The following DLL4 variants were observed in gnomAD, a reference collection of about 807,000 sequenced individuals.
The protein encoded by DLL4 is delta like canonical Notch ligand 4.
In DLL4, 7 loss-of-function variants were observed where a neutral mutation model predicts 73.6. The ratio of observed to expected loss-of-function variants is 0.10; its 90% CI spans 0.05 to 0.18. DLL4 has a LOEUF of 0.18. DLL4 is among the 10% of genes least tolerant of loss of function. The pLI is 1.00. For synonymous variants in DLL4, 345 were observed against 374.3 expected (o/e 0.92, Z 0.90); for missense variants, 614 against 929.9 (o/e 0.66, Z 4.42).
Position 40,936,279 on chromosome 15 carries a change from G to T in DLL4, c.1292G>T (p.Gly431Val). 6.2e-7 allele frequency: 1 copy of T among 1,609,390 alleles called. No individual in the cohort carries two copies. Among genetic ancestry groups the T allele is most frequent in the South Asian group, 1.1e-5 (1 of 90,420 alleles). The change falls in exon 9 of 11, where the codon GGA becomes GTA. Residue 431 changes from glycine (G) to valine (V), a missense_variant. Around this residue, in one of 3 missense-constraint regions of DLL4, gnomAD observed 386 missense variants for 541.3 expected, o/e 0.71. Transcript: ENST00000249749. The stretch of plus-strand genomic sequence containing the variant: ...AGCCGCATGTGCCGCTGCCGTCCTG[G>T]ATTCACGGGCACCTACTGTGAACTC... ...GPSRMCRCRP[G>V]FTGTYCELHV...
chr15:40,933,655 C>G (rs1452119398), intron 6 of DLL4, among the ~76,000 whole-genome samples: 1 of 152,094 alleles, frequency 6.6e-6, no homozygotes. Context: ...TTTCTGACTT[C>G]CTCCCCGACA....
chr15:40,932,048 T>C, intron 4 of DLL4, 123 bp from the exon 5 acceptor site: 1 of 1,184,474 alleles, frequency 8.4e-7, no homozygotes. Context: ...GGGGCTCCTC[T>C]GGGAGGCCAG....
Position 40,930,898 on chromosome 15 carries a change from C to T in DLL4, c.394+216C>T, listed in dbSNP as rs748169245. 1.7e-6 allele frequency: 1 copy of T among 599,350 alleles called. No homozygotes were observed. The highest frequency in any genetic ancestry group is 1.9e-5 in the African/African-American group (1 of 53,796). 37.1% of individuals were successfully genotyped at this position (599,350 alleles called of 1,614,324 possible). On this transcript the variant is annotated intron_variant, in intron 3 of 10. Transcript: ENST00000249749. This position sits in a 1 kb window ranked among gnomAD's most constrained non-coding sequence, Gnocchi z 5.7. ...GCGGGTTATTTTTGGCGTGGGAACG[C>T]GGGGAGTACGGCGGTGAGAAAGGCT...
chr15:40,930,564 C>T lies in DLL4; in HGVS notation c.337-61C>T, dbSNP rs897929691. ...TAATTAAACAGGCTGCCGCAAGGCACCCCCACCTCTCCCCGCTTGCTCATC... is the reference window on the plus strand; with the variant it reads ...TAATTAAACAGGCTGCCGCAAGGCATCCCCACCTCTCCCCGCTTGCTCATC... On this transcript the variant is annotated intron_variant, in intron 2 of 10. Coordinates refer to ENST00000249749, the MANE Select transcript of DLL4 (RefSeq NM_019074.4). The surrounding 1 kb of genome is among the most constrained non-coding windows in gnomAD (Gnocchi z 5.7). 2 of 1,392,738 alleles carry T rather than the reference C, an allele frequency of 1.4e-6. No homozygotes were observed. The highest frequency in any genetic ancestry group is 2.0e-6 in the Non-Finnish European group (2 of 984,186). The allele number at this position is 1,392,738 out of a possible 1,614,324, so 86.3% of individuals were successfully genotyped here.
Position 40,930,459 on chromosome 15 carries a change from G to A in DLL4, c.337-166G>A. 1.0e-5 allele frequency: 7 copies of A among 685,862 alleles called. No homozygotes were observed. The South Asian group carries it at 1.3e-4, about 12-fold the overall frequency. 42.5% of individuals were successfully genotyped at this position (685,862 alleles called of 1,614,324 possible). A position where few individuals can be genotyped will look rare whatever the true frequency, so the allele number is the denominator to read the frequency against. On this transcript the variant is annotated intron_variant, in intron 2 of 10. Coordinates refer to ENST00000249749, the MANE Select transcript of DLL4 (RefSeq NM_019074.4). This position sits in a 1 kb window ranked among gnomAD's most constrained non-coding sequence, Gnocchi z 5.7. ...TCCCTCTACCGGGGGTTCTCCTCTC[G>A]CCTTCCCTGCTCAAGCGCTACACTG...
intron 6 of DLL4, among the ~76,000 whole-genome samples, chr15:40,934,146 T>A (rs2140370444): frequency 6.7e-6 from 1 of 149,428 alleles, no homozygotes. Flanking sequence ...ATCCTGGCCA[T>A]CCTGGTGAAA....
At position 40,930,860 on chromosome 15, in the gene DLL4, A is replaced by C. The variant is rs1892759800; in HGVS notation, c.394+178A>C. On this transcript the variant is annotated intron_variant, in intron 3 of 10. Coordinates refer to ENST00000249749, the MANE Select transcript of DLL4 (RefSeq NM_019074.4). This position sits in a 1 kb window ranked among gnomAD's most constrained non-coding sequence, Gnocchi z 5.7. ...CGCTCGCTGCCTGGACTCAGAGCAC[A>C]ATTGCGTTTCCTGCGGGTTATTTTT... 2 of 652,026 alleles carry C rather than the reference A, an allele frequency of 3.1e-6. No individual in the cohort carries two copies. The highest frequency in any genetic ancestry group is 3.0e-5 in the Admixed American group (1 of 33,842). 40.4% of individuals were successfully genotyped at this position (652,026 alleles called of 1,614,324 possible).
rs1469203417 is a variant in DLL4, at chr15:40,929,918, T to C, written c.138T>C (p.Ser46=). The change falls in exon 2 of 11, where the codon AGT becomes AGC. Residue 46 remains serine, a synonymous_variant. Coordinates refer to ENST00000249749, the MANE Select transcript of DLL4 (RefSeq NM_019074.4). The surrounding 1 kb of genome is among the most constrained non-coding windows in gnomAD (Gnocchi z 7.1). ...EFINERGVLA[S]GRPCEPGCRT... The stretch of plus-strand genomic sequence containing the variant: ...TCAACGAGCGCGGCGTACTGGCCAG[T>C]GGGCGGCCTTGCGAGCCCGGCTGCC... 1 of 1,612,832 alleles carries C rather than the reference T, an allele frequency of 6.2e-7. No homozygotes were observed. The highest frequency in any genetic ancestry group is 8.5e-7 in the Non-Finnish European group (1 of 1,179,798).
rs752526172 is a variant in DLL4 at position 40,929,652 on chromosome 15, G to A, written c.-17G>A. The A allele has an allele frequency of 1.3e-6, 2 of 1,522,390 alleles. No individual in the cohort carries two copies. Among genetic ancestry groups the A allele is most frequent in the Non-Finnish European group, 1.7e-6 (2 of 1,145,482 alleles). 94.3% of individuals were successfully genotyped at this position (1,522,390 alleles called of 1,614,324 possible). A position where few individuals can be genotyped will look rare whatever the true frequency, so the allele number is the denominator to read the frequency against. On this transcript the variant is annotated 5_prime_UTR_variant, in exon 1 of 11. Coordinates refer to ENST00000249749, the MANE Select transcript of DLL4 (RefSeq NM_019074.4). The surrounding 1 kb of genome is among the most constrained non-coding windows in gnomAD (Gnocchi z 7.1). ...CAGATTGAGGGCCCGCGGGTGGAGA[G>A]AGCGACGCCCGAGGGGATGGCGGCA...
chr15:40,935,154 C>T (rs1314881839), intron 8 of DLL4, 37 bp downstream of exon 8: 5 of 1,579,826 alleles, frequency 3.2e-6, no homozygotes, highest in Non-Finnish European at 4.3e-6. Flanking sequence ...GTGGACTGGC[C>T]CTGGGGCTGA....
chr15:40,938,370 C>T lies in DLL4; in HGVS notation c.*336C>T. 4.0e-6 allele frequency: 1 copy of T among 248,572 alleles called. No individual in the cohort carries two copies. The allele number at this position is 248,572 out of a possible 1,614,324, so 15.4% of individuals were successfully genotyped here. A position where few individuals can be genotyped will look rare whatever the true frequency, so the allele number is the denominator to read the frequency against. On this transcript the variant is annotated 3_prime_UTR_variant, in exon 11 of 11. Coordinates refer to ENST00000249749, the MANE Select transcript of DLL4 (RefSeq NM_019074.4). Reference sequence around the variant, plus strand: ...TTTTCCAGAGAGAGTGGCAGTAGCCCCATGGGGCCCGGAGCTGCTGTGGCC... The same window carrying T: ...TTTTCCAGAGAGAGTGGCAGTAGCCTCATGGGGCCCGGAGCTGCTGTGGCC...
In DLL4 at chr15:40,929,795, C is replaced by T. The variant is rs2140368316; in HGVS notation, c.67-52C>T. On this transcript the variant is annotated intron_variant, in intron 1 of 10. Transcript: ENST00000249749. The surrounding 1 kb of genome is among the most constrained non-coding windows in gnomAD (Gnocchi z 7.1). ...GCGCTCTGGGCCTCAGCCCCGGGCA[C>T]CAGCTGAGCTGACCGGTCCCCTCCC... The T allele has an allele frequency of 2.5e-6, 4 of 1,607,746 alleles. No homozygotes were observed. The East Asian group carries it at 6.7e-5, about 27-fold the overall frequency.
intron 10 of DLL4, among the ~76,000 whole-genome samples, chr15:40,937,762 C>T (rs1026350388): frequency 2.0e-5 from 3 of 152,206 alleles, no homozygotes; most frequent in Non-Finnish European, 4.4e-5. Flanking sequence ...TGGGCAGCCA[C>T]GGCACTGCTG....
chr15:40,930,762 T>G lies in DLL4; in HGVS notation c.394+80T>G, dbSNP rs1596192090. The G allele has an allele frequency of 3.6e-6, 5 of 1,395,190 alleles. No individual in the cohort carries two copies. The highest frequency in any genetic ancestry group is 1.9e-5 in the Admixed American group (1 of 52,796). 86.4% of individuals were successfully genotyped at this position (1,395,190 alleles called of 1,614,324 possible). On this transcript the variant is annotated intron_variant, in intron 3 of 10. Transcript: ENST00000249749. This position sits in a 1 kb window ranked among gnomAD's most constrained non-coding sequence, Gnocchi z 5.7. ...GTTAATCTGTTCTAGGCGGGGGAAG[T>G]GCGGGCTTGGGGGTGGGAGGCAGGA...
At chr15:40,935,160 G>A (rs759232997) in intron 8 of DLL4, 43 bp downstream of exon 8, 1 of 1,567,032 alleles carries the variant, frequency 6.4e-7, no homozygotes. Context: ...TGGCCCTGGG[G>A]CTGAGAGAGA....
Position 40,932,173 on chromosome 15 carries a change from A to C in DLL4, c.661A>C (p.Ile221Leu). 1 of 1,614,008 alleles carries C rather than the reference A, an allele frequency of 6.2e-7. No homozygotes were observed. Among genetic ancestry groups the C allele is most frequent in the Non-Finnish European group, 8.5e-7 (1 of 1,179,874 alleles). Reference sequence around the variant, plus strand: ...CCAGCTCTGTGTTCTTCCCTTAGCTATCTGTCTTTCGGGCTGTCATGAACA... The same window carrying C: ...CCAGCTCTGTGTTCTTCCCTTAGCTCTCTGTCTTTCGGGCTGTCATGAACA... ...GWTGEYCQQP[I>L]CLSGCHEQNG... Residue 221 changes from isoleucine to leucine, a missense_variant and splice_region_variant, in exon 5 of 11, where the codon ATC (isoleucine) becomes CTC (leucine). Ile to Leu is a conservative substitution (Grantham distance 5, BLOSUM62 2). Transcript: ENST00000249749.
chr15:40,930,942 G>A lies in DLL4; in HGVS notation c.394+260G>A, dbSNP rs1030023097. On this transcript the variant is annotated intron_variant, in intron 3 of 10. Coordinates refer to ENST00000249749, the MANE Select transcript of DLL4 (RefSeq NM_019074.4). This position sits in a 1 kb window ranked among gnomAD's most constrained non-coding sequence, Gnocchi z 5.7. ...AAAGGCTGAAGCTGCCAGCGCCGCT[G>A]ACGGGCCCCTTCCTGTATTTTACAC... is the stretch of plus-strand genomic sequence containing the variant. 2 of 577,092 alleles carry A rather than the reference G, an allele frequency of 3.5e-6. No homozygotes were observed. The highest frequency in any genetic ancestry group is 4.2e-5 in the South Asian group (2 of 47,606). The allele number at this position is 577,092 out of a possible 1,614,324, so 35.7% of individuals were successfully genotyped here.
Position 40,936,337 on chromosome 15 carries a change from C to T in DLL4, c.1350C>T (p.Ala450=), listed in dbSNP as rs778252260. 7.5e-6 allele frequency: 12 copies of T among 1,610,172 alleles called. No individual in the cohort carries two copies. The South Asian group carries it at 1.3e-4, about 18-fold the overall frequency. ...GCGACTGTGCCCGTAACCCTTGCGC[C>T]CACGGTGGCACTTGCCATGACCTGG... is the stretch of plus-strand genomic sequence containing the variant. ...HVSDCARNPC[A]HGGTCHDLEN... The change falls in exon 9 of 11, where the codon GCC becomes GCT. Residue 450 remains alanine, a synonymous_variant. Coordinates refer to ENST00000249749, the MANE Select transcript of DLL4 (RefSeq NM_019074.4).
At chr15:40,937,995 G>T (rs1204401355) in intron 10 of DLL4, 34 bp from the exon 11 acceptor site, 2 of 1,602,352 alleles carry the variant, frequency 1.2e-6, no homozygotes, top group Non-Finnish European at 1.7e-6. Context: ...CATGCCCAGG[G>T]TAACCTGTTT....
Sources: allele counts gnomAD v4.1 joint callset (sites outside exome capture counted in the v4.1 genomes callset), GRCh38; gene constraint gnomAD v4.1.1; regional missense constraint gnomAD v4.1.1; non-coding constraint Gnocchi (gnomAD v3.1); transcripts MANE v1.5; gene names NCBI Gene and HGNC (gene_info 2026-07-23, HGNC 2026-07-21).